BRSK2: variants seen among roughly 807,000 people sequenced by gnomAD.
BRSK2 encodes the protein serine/threonine-protein kinase BRSK2.
In BRSK2, 19 loss-of-function variants were observed where a neutral mutation model predicts 83.3. That is an observed-to-expected ratio of 0.23 (90% confidence interval 0.16 to 0.33). The LOEUF (loss-of-function observed/expected upper bound fraction) is 0.33. Among genes scored for constraint, BRSK2 ranks in the 10% least tolerant of loss-of-function variants. The pLI is 1.00. For missense variants in BRSK2, 798 were observed against 1,042.3 expected, an observed-to-expected ratio of 0.77 and a Z score of 3.23; for synonymous variants, 519 against 435.4, an observed-to-expected ratio of 1.19 and a Z score of -2.39.
At chr11:1,459,103 C>T (rs1020267091) in intron 18 of BRSK2, 89 bp from the exon 19 acceptor site, 3 of 1,362,654 alleles carry the variant, frequency 2.2e-6, no homozygotes, top group East Asian at 2.3e-5. Context: ...GCTCCACCCC[C>T]TCCCCATCGA....
chr11:1,433,528 C>T (rs960389777), intron 1 of BRSK2, among the ~76,000 whole-genome samples: 3 of 152,268 alleles, frequency 2.0e-5, no homozygotes, highest in Non-Finnish European at 2.9e-5. Flanking sequence ...GCTTTTGTCA[C>T]GGACCACGCC....
At position 1,423,677 on chromosome 11, in the gene BRSK2, G is replaced by A. The variant is rs900997319; in HGVS notation, c.92-12363G>A. 9.3e-5 allele frequency among the ~76,000 whole-genome samples: 13 copies of A among 139,992 alleles called. No homozygotes were observed. The highest frequency in any genetic ancestry group is 1.7e-4 in the Non-Finnish European group (11 of 66,194). 91.8% of individuals were successfully genotyped at this position (139,992 alleles called of 152,430 possible). On this transcript the variant is annotated intron_variant, in intron 1 of 19. Coordinates refer to ENST00000528841, the MANE Select transcript of BRSK2 (RefSeq NM_001256627.2). The surrounding 1 kb of genome is among the most constrained non-coding windows in gnomAD (Gnocchi z 6.5). Reference sequence around the variant, plus strand: ...GGAAGCCCTGCCCCAAGCCTCCCCCGCTGGGCGTTCCGGGTGCCCCAGGCC... The same window carrying A: ...GGAAGCCCTGCCCCAAGCCTCCCCCACTGGGCGTTCCGGGTGCCCCAGGCC...
At chr11:1,397,902 G>A (rs1267715500) in intron 1 of BRSK2, among the ~76,000 whole-genome samples, 1 of 152,294 alleles carries the variant, frequency 6.6e-6, no homozygotes, top group East Asian at 1.9e-4. Context: ...GGATGGGGGT[G>A]CCCAGGGCAT....
intron 1 of BRSK2, among the ~76,000 whole-genome samples, chr11:1,428,007 C>T (rs1849450478): frequency 6.6e-6 from 1 of 152,174 alleles, no homozygotes; most frequent in Non-Finnish European, 1.5e-5. Context: ...AGGAGGGACG[C>T]CTCTATGCTG....
Position 1,460,642 on chromosome 11 carries a change from C to A in BRSK2, c.2130C>A (p.Gly710=). The A allele has an allele frequency of 6.5e-7, 1 of 1,529,398 alleles. No homozygotes were observed. Among genetic ancestry groups the A allele is most frequent in the Non-Finnish European group, 8.7e-7 (1 of 1,143,140 alleles). The allele number at this position is 1,529,398 out of a possible 1,614,324, so 94.7% of individuals were successfully genotyped here. ...PLGDSAAAGP[G]PGGDAEYPTG... ...GTGACTCCGCGGCCGCTGGCCCTGGCCCCGGAGGGGACGCCGAGTACCCAA... is the reference window on the plus strand; with the variant it reads ...GTGACTCCGCGGCCGCTGGCCCTGGACCCGGAGGGGACGCCGAGTACCCAA... Residue 710 remains glycine, a synonymous_variant, in exon 20 of 20, where the codon GGC becomes GGA. Coordinates refer to ENST00000528841, the MANE Select transcript of BRSK2 (RefSeq NM_001256627.2).
intron 12 of BRSK2, among the ~76,000 whole-genome samples, chr11:1,449,008 C>A (rs1177818241): frequency 6.6e-6 from 1 of 152,246 alleles, no homozygotes; most frequent in Non-Finnish European, 1.5e-5. Flanking sequence ...TCGGCCCCTC[C>A]CTGCATTTCC....
intron 1 of BRSK2, among the ~76,000 whole-genome samples, chr11:1,417,145 C>T (rs564757486): frequency 3.7e-4 from 57 of 152,200 alleles, no homozygotes; most frequent in African/African-American, 1.3e-3. Flanking sequence ...GGGGATAAAG[C>T]GAGACTCCAT....
intron 12 of BRSK2, among the ~76,000 whole-genome samples, 190 bp downstream of exon 12, chr11:1,446,097 G>A (rs1296813940): frequency 6.7e-6 from 1 of 149,688 alleles, no homozygotes; most frequent in African/African-American, 2.5e-5. Context: ...GCTTAGCTGG[G>A]CTGGGCTGGG....
At chr11:1,396,535 C>T (rs373309774) in intron 1 of BRSK2, among the ~76,000 whole-genome samples, 1 of 152,248 alleles carries the variant, frequency 6.6e-6, no homozygotes, top group East Asian at 1.9e-4. Flanking sequence ...GGTCAGACCC[C>T]AGTCCCTGGG....
In BRSK2 at chr11:1,443,491, G is replaced by A; in HGVS notation, c.636G>A (p.Gly212=). ...CCCCCACACCCGGCCGCCCGCAGGGGGCTCTGCCCTTCGACGATGACAACT... is the reference window on the plus strand; with the variant it reads ...CCCCCACACCCGGCCGCCCGCAGGGAGCTCTGCCCTTCGACGATGACAACT... ...CGVILFALLV[G]ALPFDDDNLR... Residue 212 remains glycine (G), a splice_region_variant and synonymous_variant, in exon 8 of 20, where the codon GGG becomes GGA. Transcript: ENST00000528841. 6.3e-7 allele frequency: 1 copy of A among 1,594,618 alleles called. No individual in the cohort carries two copies. The highest frequency in any genetic ancestry group is 8.5e-7 in the Non-Finnish European group (1 of 1,170,292).
chr11:1,456,869 T>A (rs1208946318), intron 18 of BRSK2, 182 bp downstream of exon 18: 21 of 1,470,810 alleles, frequency 1.4e-5, no homozygotes, highest in Non-Finnish European at 1.9e-5. Flanking sequence ...CTCCCTGGCC[T>A]GGCGGGACCA....
chr11:1,443,294 T>C, intron 6 of BRSK2, 41 bp from the exon 7 acceptor site: 1 of 1,575,264 alleles, frequency 6.3e-7, no homozygotes, highest in African/African-American at 1.3e-5. Flanking sequence ...GCCCCCGCCC[T>C]GCCCTGCGCC....
In BRSK2 at chr11:1,423,028, G is replaced by A. The variant is rs554118855; in HGVS notation, c.92-13012G>A. On this transcript the variant is annotated intron_variant, in intron 1 of 19. Coordinates refer to ENST00000528841, the MANE Select transcript of BRSK2 (RefSeq NM_001256627.2). This position sits in a 1 kb window ranked among gnomAD's most constrained non-coding sequence, Gnocchi z 6.5. ...GAGCTTTGCGAAGATCAAGGGGAGG[G>A]CAATGCAGCTTGGGAGCCTTAGCTC... Among the ~76,000 whole-genome samples the A allele has an allele frequency of 2.1e-4, 32 of 152,300 alleles. No individual in the cohort carries two copies. Among genetic ancestry groups the A allele is most frequent in the African/African-American group, 6.5e-4 (27 of 41,576 alleles).
chr11:1,412,388 G>A (rs1313695013), intron 1 of BRSK2, among the ~76,000 whole-genome samples: 1 of 35,862 alleles, frequency 2.8e-5, no homozygotes, highest in East Asian at 4.1e-4. Flanking sequence ...GCGCCGCCCC[G>A]TCCTGCGGTG....
In BRSK2 at chr11:1,454,170, C is replaced by A; in HGVS notation, c.1545-315C>A. ...GCGGCCTTGGTGAGGGGGGGCTCAC[C>A]TGTGGGGGGCTCACCTGTGGAGGGG... is the stretch of plus-strand genomic sequence containing the variant. On this transcript the variant is annotated intron_variant, in intron 15 of 19. Transcript: ENST00000528841. The surrounding 1 kb of genome is among the most constrained non-coding windows in gnomAD (Gnocchi z 5.2). 4.1e-6 allele frequency: 1 copy of A among 244,286 alleles called. No individual in the cohort carries two copies. The highest frequency in any genetic ancestry group is 8.0e-6 in the Non-Finnish European group (1 of 125,166). 15.1% of individuals were successfully genotyped at this position (244,286 alleles called of 1,614,324 possible).
chr11:1,459,658 G>A (rs1227427316), intron 19 of BRSK2, among the ~76,000 whole-genome samples: 1 of 152,232 alleles, frequency 6.6e-6, no homozygotes, highest in Non-Finnish European at 1.5e-5. Context: ...TTAGGCTTAG[G>A]AAGTGGGATT....
In BRSK2 at chr11:1,454,157, A is replaced by C; in HGVS notation, c.1545-328A>C. On this transcript the variant is annotated intron_variant, in intron 15 of 19. Coordinates refer to ENST00000528841, the MANE Select transcript of BRSK2 (RefSeq NM_001256627.2). The surrounding 1 kb of genome is among the most constrained non-coding windows in gnomAD (Gnocchi z 5.2). ...GCCACCTCTCACAGCGGCCTTGGTG[A>C]GGGGGGGCTCACCTGTGGGGGGCTC... The C allele has an allele frequency of 2.0e-5, 2 of 99,782 alleles. No individual in the cohort carries two copies. The highest frequency in any genetic ancestry group is 3.5e-5 in the Non-Finnish European group (2 of 57,014). The allele number at this position is 99,782 out of a possible 1,614,324, so 6.2% of individuals were successfully genotyped here. A position where few individuals can be genotyped will look rare whatever the true frequency, so the allele number is the denominator to read the frequency against.
chr11:1,390,544 C>T lies in BRSK2; in HGVS notation c.91+169C>T, dbSNP rs1200046091. On this transcript the variant is annotated intron_variant, in intron 1 of 19. Coordinates refer to ENST00000528841, the MANE Select transcript of BRSK2 (RefSeq NM_001256627.2). This position sits in a 1 kb window ranked among gnomAD's most constrained non-coding sequence, Gnocchi z 6.8. ...CCCGTCCGCTCGTGCGCCCCGGTTC[C>T]GCCGCGGATCCCGCAGGCCGCTTGG... 6.9e-6 allele frequency among the ~76,000 whole-genome samples: 1 copy of T among 145,816 alleles called. No homozygotes were observed. The highest frequency in any genetic ancestry group is 2.5e-5 in the African/African-American group (1 of 40,732).
chr11:1,460,903 C>A lies in BRSK2; in HGVS notation c.*180C>A. The A allele has an allele frequency of 6.2e-7, 1 of 1,609,486 alleles. No individual in the cohort carries two copies. Among genetic ancestry groups the A allele is most frequent in the South Asian group, 1.1e-5 (1 of 90,496 alleles). On this transcript the variant is annotated 3_prime_UTR_variant, in exon 20 of 20. Transcript: ENST00000528841. The stretch of plus-strand genomic sequence containing the variant: ...GTGGGCTGCGCCACCCGCGCCCGCT[C>A]TCTTTTCTCTCTGTCTCTGCCTCTG...
Sources: gnomAD v4.1 joint callset for allele counts (sites outside exome capture counted in the v4.1 genomes callset) on GRCh38, gnomAD v4.1.1 for gene constraint, Gnocchi (gnomAD v3.1) non-coding constraint, MANE v1.5 for transcripts, NCBI Gene and HGNC (gene_info 2026-07-23, HGNC 2026-07-21) for gene names.